ARHGEF11: variants seen among roughly 807,000 people sequenced by gnomAD.
ARHGEF11 encodes Rho guanine exchange factor (GEF) 11.
A neutral mutation model predicts 193.7 loss-of-function variants in ARHGEF11; 55 were observed. The ratio of observed to expected loss-of-function variants is 0.28; its 90% CI spans 0.23 to 0.36. ARHGEF11 has a LOEUF of 0.36. Among genes scored for constraint, ARHGEF11 ranks in the 10% least tolerant of loss-of-function variants. The probability of loss-of-function intolerance (pLI) is 1.00; values close to 1 mark genes in which losing one functional copy is unlikely to be tolerated. For missense variants in ARHGEF11, 1,723 were observed against 2,005.6 expected (o/e 0.86, Z 2.69); for synonymous variants, 693 against 768.0 (o/e 0.90, Z 1.62).
At chr1:156,950,951 G>C (rs1257447245) in intron 22 of ARHGEF11, among the ~76,000 whole-genome samples, 2 of 152,202 alleles carry the variant, frequency 1.3e-5, no homozygotes, top group African/African-American at 2.4e-5. Context: ...ATACCAGATG[G>C]GGACTCTAGT....
At chr1:156,957,706 G>A in intron 18 of ARHGEF11, 86 bp downstream of exon 18, 1 of 1,428,652 alleles carries the variant, frequency 7.0e-7, no homozygotes, top group Non-Finnish European at 9.9e-7. Context: ...GGACTCCCCT[G>A]TGATTGTCAG....
intron 1 of ARHGEF11, among the ~76,000 whole-genome samples, chr1:157,023,765 CA>C (rs34617659): frequency 2.0e-3 from 243 of 124,520 alleles, no homozygotes; most frequent in African/African-American, 4.6e-3. Flanking sequence ...GACTCCATCT[CA>C]AAAAAAAAAA....
intron 11 of ARHGEF11, chr1:156,963,841 T>A (rs977885699): frequency 8.4e-7 from 1 of 1,193,090 alleles, no homozygotes; most frequent in Non-Finnish European, 1.1e-6. Flanking sequence ...CATATGAAGA[T>A]GGGAAGTAGG....
chr1:157,029,192 G>T (rs910806552), intron 1 of ARHGEF11, among the ~76,000 whole-genome samples: 8 of 148,776 alleles, frequency 5.4e-5, no homozygotes, highest in Admixed American at 2.7e-4. Flanking sequence ...AAAAAAGAAA[G>T]ATATGAAAAA....
At chr1:156,984,710 C>T (rs1306944021) in intron 2 of ARHGEF11, among the ~76,000 whole-genome samples, 5 of 152,094 alleles carry the variant, frequency 3.3e-5, no homozygotes, top group African/African-American at 4.8e-5. Context: ...CATGTCTGTC[C>T]CTTTTGGTGT....
chr1:156,983,219 T>C (rs2102447768), intron 3 of ARHGEF11, among the ~76,000 whole-genome samples: 1 of 144,992 alleles, frequency 6.9e-6, no homozygotes, highest in East Asian at 1.9e-4. Flanking sequence ...TCTTTTTTTT[T>C]TGTTTTTTGT....
chr1:156,955,853 G>A, intron 19 of ARHGEF11, 54 bp from the exon 20 acceptor site: 1 of 1,388,626 alleles, frequency 7.2e-7, no homozygotes, highest in Non-Finnish European at 1.0e-6. Context: ...CCCAGGCGTG[G>A]CTGCTAATCA....
intron 2 of ARHGEF11, among the ~76,000 whole-genome samples, chr1:156,984,980 C>T (rs1413499842): frequency 6.6e-6 from 1 of 151,286 alleles, no homozygotes; most frequent in African/African-American, 2.4e-5. Flanking sequence ...GAAGAAAACC[C>T]TTTTATTTCT....
intron 1 of ARHGEF11, among the ~76,000 whole-genome samples, chr1:156,990,991 G>A (rs1377309971): frequency 6.6e-6 from 1 of 152,154 alleles, no homozygotes; most frequent in African/African-American, 2.4e-5. Flanking sequence ...GACAGAGTTA[G>A]AAAAATTTAT....
chr1:156,979,578 A>G (rs1204840526), intron 4 of ARHGEF11, among the ~76,000 whole-genome samples: 1 of 151,998 alleles, frequency 6.6e-6, no homozygotes, highest in East Asian at 1.9e-4. Context: ...GTTAGCCAGG[A>G]TGGTCTCGAT....
intron 1 of ARHGEF11, among the ~76,000 whole-genome samples, chr1:156,995,475 T>G (rs1257466796): frequency 1.3e-5 from 2 of 152,186 alleles, no homozygotes; most frequent in African/African-American, 4.8e-5. Context: ...TGACACTTAA[T>G]GTGTTGAGTT....
At chr1:156,941,117 G>T (rs533802192) in intron 35 of ARHGEF11, among the ~76,000 whole-genome samples, 1 of 151,978 alleles carries the variant, frequency 6.6e-6, no homozygotes, top group African/African-American at 2.4e-5. Flanking sequence ...TTCTTCCACA[G>T]CTGATGCCGT....
intron 14 of ARHGEF11, among the ~76,000 whole-genome samples, 200 bp from the exon 15 acceptor site, chr1:156,960,660 G>A (rs1022656505): frequency 1.6e-4 from 24 of 152,330 alleles, no homozygotes; most frequent in African/African-American, 5.8e-4. Context: ...TGAGGCTACA[G>A]AGCAAGCTGG....
chr1:156,986,038 A>G (rs1029765168), intron 2 of ARHGEF11, 44 bp downstream of exon 2: 1 of 1,502,330 alleles, frequency 6.7e-7, no homozygotes, highest in African/African-American at 1.4e-5. Context: ...GGCATGTGCC[A>G]CCATGCCTGG....
At chr1:156,963,769 T>G in intron 11 of ARHGEF11, 175 bp from the exon 12 acceptor site, 7 of 1,427,808 alleles carry the variant, frequency 4.9e-6, no homozygotes, top group Non-Finnish European at 6.4e-6. Flanking sequence ...TGATTTCCAC[T>G]TGCAGGAAGT....
At chr1:156,982,292 T>C (rs984860489) in intron 3 of ARHGEF11, among the ~76,000 whole-genome samples, 1 of 152,106 alleles carries the variant, frequency 6.6e-6, no homozygotes, top group African/African-American at 2.4e-5. Flanking sequence ...TTTTAAAAAG[T>C]GTATTTCTTG....
chr1:156,942,885 G>A (rs931474093), intron 32 of ARHGEF11, 105 bp from the exon 33 acceptor site: 9 of 898,700 alleles, frequency 1.0e-5, no homozygotes, highest in Non-Finnish European at 1.6e-5. Context: ...GACCCTCAAC[G>A]CAGATGGAGA....
At chr1:156,949,671 ACTTTTCAGTGTC>A (rs999030059) in intron 22 of ARHGEF11, among the ~76,000 whole-genome samples, 2 of 152,154 alleles carry the variant, frequency 1.3e-5, no homozygotes, top group Non-Finnish European at 2.9e-5. Context: ...AACTCGGAAC[ACTTTTCAGTGTC>A]CTAATGGGTC....
chr1:157,003,064 T>C (rs1667398137), intron 1 of ARHGEF11, among the ~76,000 whole-genome samples: 1 of 152,250 alleles, frequency 6.6e-6, no homozygotes, highest in Non-Finnish European at 1.5e-5. Flanking sequence ...CCTTATTGAT[T>C]GATTGTTGAT....
Sources: allele counts gnomAD v4.1 joint callset (sites outside exome capture counted in the v4.1 genomes callset), GRCh38; gene constraint gnomAD v4.1.1; transcripts MANE v1.5; gene names NCBI Gene and HGNC (gene_info 2026-07-23, HGNC 2026-07-21).